The following DUSP22 variants were observed in gnomAD, a reference collection of about 807,000 sequenced individuals.
DUSP22 encodes the protein dual specificity protein phosphatase 22.
DUSP22 carries 24 observed loss-of-function variants against 24.5 expected under a neutral mutation model. That is an observed-to-expected ratio of 0.98 (90% CI 0.71 to 1.38). The LOEUF (loss-of-function observed/expected upper bound fraction) is 1.38. Ranked by LOEUF, DUSP22 falls within the 40% of genes most tolerant of loss-of-function variation. DUSP22 has a pLI of 0.00. For missense variants in DUSP22, 330 were observed against 269.2 expected (o/e 1.23, Z -1.58); for synonymous variants, 160 against 106.4 (o/e 1.50, Z -3.10).
intron 1 of DUSP22, among the ~76,000 whole-genome samples, chr6:302,969 T>C (rs1349084343): frequency 6.6e-6 from 1 of 152,304 alleles, no homozygotes; most frequent in African/African-American, 2.4e-5. Flanking sequence ...AGCAGGTCTC[T>C]GCTCGCACTG....
chr6:297,567 C>T (rs866990292), intron 1 of DUSP22, among the ~76,000 whole-genome samples: 4 of 152,382 alleles, frequency 2.6e-5, no homozygotes, highest in Admixed American at 6.5e-5. Flanking sequence ...TTAGCAACAT[C>T]TCAGATCTTC....
intron 3 of DUSP22, among the ~76,000 whole-genome samples, chr6:323,417 C>T (rs1457303547): frequency 6.6e-6 from 1 of 152,296 alleles, no homozygotes; most frequent in African/African-American, 2.4e-5. Context: ...CATGGGAAAG[C>T]AAATGAAATG....
At chr6:296,493 T>C (rs1581139058) in intron 1 of DUSP22, among the ~76,000 whole-genome samples, 2 of 152,424 alleles carry the variant, frequency 1.3e-5, no homozygotes, top group South Asian at 2.1e-4. Context: ...TAAATGTCTC[T>C]GGTAAGATTA....
At chr6:306,725 C>G (rs1007052415) in intron 2 of DUSP22, among the ~76,000 whole-genome samples, 1 of 152,306 alleles carries the variant, frequency 6.6e-6, no homozygotes. Flanking sequence ...TTCACTTGTT[C>G]ATTGCACAAG....
At chr6:332,829 C>T (rs975027649) in intron 3 of DUSP22, among the ~76,000 whole-genome samples, 1 of 152,292 alleles carries the variant, frequency 6.6e-6, no homozygotes, top group African/African-American at 2.4e-5. Flanking sequence ...GAACTTGAGG[C>T]TCCTTCTGGT....
At chr6:312,470 G>A (rs574580942) in intron 3 of DUSP22, among the ~76,000 whole-genome samples, 7 of 152,400 alleles carry the variant, frequency 4.6e-5, no homozygotes, top group East Asian at 1.9e-4. Flanking sequence ...TTAGGTTTTC[G>A]GGGTAAACAG....
intron 4 of DUSP22, among the ~76,000 whole-genome samples, chr6:345,198 C>T (rs1464438313): frequency 6.6e-6 from 1 of 152,114 alleles, no homozygotes; most frequent in African/African-American, 2.4e-5. Context: ...CAGTAAACCA[C>T]AGGAAGAATA....
rs1581157101 is a variant in DUSP22, at chr6:312,043, A to T, written c.138+81A>T. On this transcript the variant is annotated intron_variant, in intron 3 of 6. Coordinates refer to ENST00000419235, the MANE Select transcript of DUSP22 (RefSeq NM_001286555.3). ...ACCTACGACGTTAATGAAGGCAACC[A>T]GGTTCTCTCCAATGCGAACGTACTC... 2.1e-6 allele frequency: 3 copies of T among 1,433,858 alleles called. No homozygotes were observed. The East Asian group carries it at 7.2e-5, about 34-fold the overall frequency. The allele number at this position is 1,433,858 out of a possible 1,614,324, so 88.8% of individuals were successfully genotyped here. A position where few individuals can be genotyped will look rare whatever the true frequency, so the allele number is the denominator to read the frequency against.
At chr6:301,273 A>G (rs1400680789) in intron 1 of DUSP22, among the ~76,000 whole-genome samples, 3 of 152,304 alleles carry the variant, frequency 2.0e-5, no homozygotes, top group Non-Finnish European at 2.9e-5. Context: ...AGGACCCCAA[A>G]CAGTGGGAAC....
chr6:342,985 G>A (rs1759680701), intron 4 of DUSP22, among the ~76,000 whole-genome samples: 1 of 152,306 alleles, frequency 6.6e-6, no homozygotes, highest in East Asian at 1.9e-4. Context: ...TGGCTACCCA[G>A]CTCTTTGCTG....
chr6:308,245 C>T (rs1407024503), intron 2 of DUSP22, among the ~76,000 whole-genome samples: 4 of 152,308 alleles, frequency 2.6e-5, no homozygotes, highest in Non-Finnish European at 5.9e-5. Context: ...TCAGGAGGAG[C>T]TAGTTTGAAA....
chr6:298,631 T>C (rs1382815597), intron 1 of DUSP22, among the ~76,000 whole-genome samples: 5 of 152,310 alleles, frequency 3.3e-5, no homozygotes, highest in Admixed American at 6.5e-5. Context: ...CCATCAAGCG[T>C]GGAGAATCTT....
chr6:345,751 A>C lies in DUSP22; in HGVS notation c.189-103A>C, dbSNP rs530485136. On this transcript the variant is annotated intron_variant, in intron 4 of 6. Coordinates refer to ENST00000419235, the MANE Select transcript of DUSP22 (RefSeq NM_001286555.3). The stretch of plus-strand genomic sequence containing the variant: ...AGAATTATGTGTCAATTATACAAAA[A>C]AATCAATTAACATTTTAAGAAAGAA... The C allele has an allele frequency of 1.3e-5, 19 of 1,418,778 alleles. No individual in the cohort carries two copies. In the East Asian group the frequency reaches 2.7e-4, roughly 20 times the overall value. The allele number at this position is 1,418,778 out of a possible 1,614,324, so 87.9% of individuals were successfully genotyped here.
At chr6:296,112 C>A (rs1444948677) in intron 1 of DUSP22, among the ~76,000 whole-genome samples, 1 of 152,298 alleles carries the variant, frequency 6.6e-6, no homozygotes, top group African/African-American at 2.4e-5. Flanking sequence ...TGTCAAATAG[C>A]CAAAATCACC....
At chr6:316,909 G>T (rs1252345712) in intron 3 of DUSP22, among the ~76,000 whole-genome samples, 4 of 152,300 alleles carry the variant, frequency 2.6e-5, no homozygotes, top group Admixed American at 6.5e-5. Flanking sequence ...GGTATTGTAT[G>T]TATATACCAG....
At chr6:341,246 C>T (rs906857473) in intron 4 of DUSP22, among the ~76,000 whole-genome samples, 18 of 152,416 alleles carry the variant, frequency 1.2e-4, no homozygotes, top group African/African-American at 2.4e-4. Flanking sequence ...CTATTCCACA[C>T]GGCTGTGCGT....
chr6:345,158 G>C (rs1225932589), intron 4 of DUSP22, among the ~76,000 whole-genome samples: 2 of 152,282 alleles, frequency 1.3e-5, no homozygotes, highest in Admixed American at 6.5e-5. Context: ...GTATGACCAG[G>C]TTTTGATGGT....
chr6:322,830 T>TTGGG (rs1554100349), intron 3 of DUSP22, among the ~76,000 whole-genome samples: 1 of 18,802 alleles, frequency 5.3e-5, no homozygotes, highest in African/African-American at 1.8e-4. Context: ...GGCTGCTTGG[T>TTGGG]GGGGCGGGGG....
At position 350,916 on chromosome 6, in the gene DUSP22, G is replaced by T; in HGVS notation, c.*1965G>T. 2 of 1,610,752 alleles carry T rather than the reference G, an allele frequency of 1.2e-6. No individual in the cohort carries two copies. Among genetic ancestry groups the T allele is most frequent in the Non-Finnish European group, 8.5e-7 (1 of 1,177,868 alleles). Reference sequence around the variant, plus strand: ...TTGCAAACCCACAGAGTTTAGGCTGGTGCTGCCAAAAAGAAAAGCAACATA... The same window carrying T: ...TTGCAAACCCACAGAGTTTAGGCTGTTGCTGCCAAAAAGAAAAGCAACATA... On this transcript the variant is annotated 3_prime_UTR_variant, in exon 7 of 7. Coordinates refer to ENST00000419235, the MANE Select transcript of DUSP22 (RefSeq NM_001286555.3).
Sources: allele counts gnomAD v4.1 joint callset (sites outside exome capture counted in the v4.1 genomes callset), GRCh38; gene constraint gnomAD v4.1.1; transcripts MANE v1.5; gene names NCBI Gene and HGNC (gene_info 2026-07-23, HGNC 2026-07-21).